The following DOCK9 variants were observed in gnomAD, a reference collection of about 807,000 sequenced individuals.
DOCK9 encodes the protein dedicator of cytokinesis 9, also known as dedicator of cytokinesis protein 9.
Under a neutral mutation model 263.3 loss-of-function variants are expected in DOCK9, and 89 were observed. The ratio of observed to expected loss-of-function variants is 0.34; its 90% CI spans 0.28 to 0.40. DOCK9 has a LOEUF of 0.40. DOCK9 is among the 10% of genes least tolerant of loss of function. DOCK9 has a pLI of 1.00. For synonymous variants in DOCK9, 976 were observed against 973.1 expected, an observed-to-expected ratio of 1.00 and a Z score of -0.06; for missense variants, 2,140 against 2,603.4, an observed-to-expected ratio of 0.82 and a Z score of 3.87.
At chr13:98,932,435 A>C (rs1176890138) in intron 2 of DOCK9, among the ~76,000 whole-genome samples, 5 of 145,746 alleles carry the variant, frequency 3.4e-5, no homozygotes, top group Admixed American at 6.8e-5. Context: ...AACAAACAAA[A>C]AAACAGATCA....
At chr13:98,846,576 A>G in intron 37 of DOCK9, 1 of 1,351,740 alleles carries the variant, frequency 7.4e-7, no homozygotes. Flanking sequence ...AGTCAAGTAG[A>G]GAAAACAGAA....
At chr13:98,953,504 A>C (rs1416751100) in intron 2 of DOCK9, among the ~76,000 whole-genome samples, 1 of 152,244 alleles carries the variant, frequency 6.6e-6, no homozygotes, top group Admixed American at 6.5e-5. Context: ...TTTGTTTCTT[A>C]AGCAATTTTA....
At chr13:98,924,647 C>T (rs2140149878) in intron 4 of DOCK9, among the ~76,000 whole-genome samples, 1 of 152,258 alleles carries the variant, frequency 6.6e-6, no homozygotes, top group Admixed American at 6.5e-5. Context: ...AATTCTTGTT[C>T]CTGGCAAGAT....
At chr13:98,897,069 T>A (rs2047553200) in intron 15 of DOCK9, among the ~76,000 whole-genome samples, 1 of 152,172 alleles carries the variant, frequency 6.6e-6, no homozygotes, top group Admixed American at 6.5e-5. Flanking sequence ...GTTAGAAACC[T>A]TGCAAGTTAT....
intron 1 of DOCK9, among the ~76,000 whole-genome samples, chr13:99,038,288 C>CTTTTTTTTTTTT (rs71419743): frequency 2.3e-5 from 2 of 86,262 alleles, no homozygotes; most frequent in African/African-American, 4.6e-5. Flanking sequence ...TTATGCCCCC[C>CTTTTTTTTTTTT]TTTTTTTTTT....
At chr13:99,050,122 A>C (rs1001054922) in intron 1 of DOCK9, among the ~76,000 whole-genome samples, 1 of 152,238 alleles carries the variant, frequency 6.6e-6, no homozygotes, top group African/African-American at 2.4e-5. Context: ...TCCTGTCTAA[A>C]ATTTCAAGCC....
chr13:98,807,616 T>A, intron 48 of DOCK9, 45 bp downstream of exon 48: 1 of 1,468,188 alleles, frequency 6.8e-7, no homozygotes, highest in Non-Finnish European at 9.2e-7. Flanking sequence ...ATGTAATCAA[T>A]CACAACATTA....
intron 2 of DOCK9, among the ~76,000 whole-genome samples, chr13:98,933,863 C>T (rs2140355064): frequency 7.6e-6 from 1 of 131,590 alleles, no homozygotes; most frequent in Middle Eastern, 3.7e-3. Flanking sequence ...TAAACCTAGC[C>T]TCTGTTGTTG....
At chr13:98,999,282 ATG>A (rs1204997736) in intron 1 of DOCK9, among the ~76,000 whole-genome samples, 4 of 121,412 alleles carry the variant, frequency 3.3e-5, no homozygotes, top group African/African-American at 1.3e-4. Context: ...GTGTGCACGC[ATG>A]CACGCGCACA....
At chr13:98,804,921 T>C (rs1469305877) in intron 49 of DOCK9, 78 bp downstream of exon 49, 2 of 1,477,500 alleles carry the variant, frequency 1.4e-6, no homozygotes, top group Non-Finnish European at 1.8e-6. Context: ...CTTCCAGTCC[T>C]GAAGCTTCTG....
chr13:98,819,619 A>G (rs2092137631), intron 45 of DOCK9, among the ~76,000 whole-genome samples: 2 of 152,194 alleles, frequency 1.3e-5, no homozygotes, highest in African/African-American at 4.8e-5. Context: ...CCCAAACTCC[A>G]CTGGCCAAGT....
chr13:99,021,501 T>C (rs931602161), intron 1 of DOCK9, among the ~76,000 whole-genome samples: 6 of 151,390 alleles, frequency 4.0e-5, no homozygotes, highest in Non-Finnish European at 7.4e-5. Context: ...TAGCCGGGCG[T>C]GGTGGCGGGC....
chr13:98,868,287 G>A lies in DOCK9; in HGVS notation c.3034C>T (p.Arg1012Ter), dbSNP rs1393767221. Residue 1012 changes from arginine (R) to a stop codon, truncating the protein, a stop_gained, in exon 28 of 53, where the codon CGA (arginine) becomes TGA (stop). Coordinates refer to ENST00000682017, the MANE Select transcript of DOCK9 (RefSeq NM_001366683.2). LOFTEE classifies it high-confidence loss of function. Reference protein sequence around the residue: ...MLMPHITQKFRDNPEASKNAN... With the variant: ...MLMPHITQKF The stretch of plus-strand genomic sequence containing the variant: ...TTCTTAGATGCCTCTGGATTATCTC[G>A]AAACTTCTGAGTGATGTGTGGCATC... The A allele has an allele frequency of 1.9e-6, 3 of 1,613,824 alleles. No homozygotes were observed. The highest frequency in any genetic ancestry group is 2.2e-5 in the East Asian group (1 of 44,892).
intron 2 of DOCK9, among the ~76,000 whole-genome samples, chr13:98,931,174 C>T (rs912682): frequency 0.78 from 119,174 of 152,000 alleles, 47,153 homozygotes; most frequent in Middle Eastern, 0.91. Flanking sequence ...ATTAGAACTG[C>T]TCGTGTTCAT....
chr13:98,989,855 CT>C (rs774689737), intron 1 of DOCK9, among the ~76,000 whole-genome samples: 1 of 152,232 alleles, frequency 6.6e-6, no homozygotes, highest in East Asian at 1.9e-4. Flanking sequence ...ACCATTCCCC[CT>C]CTTCCCCCAC....
chr13:98,931,500 G>A (rs934989260), intron 2 of DOCK9, among the ~76,000 whole-genome samples: 17 of 151,840 alleles, frequency 1.1e-4, no homozygotes, highest in Non-Finnish European at 1.9e-4. Flanking sequence ...GGGTTTCACC[G>A]TGTTAGCCAG....
At chr13:99,048,960 A>G (rs533725189) in intron 1 of DOCK9, among the ~76,000 whole-genome samples, 2 of 152,340 alleles carry the variant, frequency 1.3e-5, no homozygotes, top group South Asian at 2.1e-4. Flanking sequence ...AATAATAAAC[A>G]GCTGAATAAG....
At chr13:98,816,926 T>C (rs774534750) in intron 45 of DOCK9, among the ~76,000 whole-genome samples, 7 of 152,096 alleles carry the variant, frequency 4.6e-5, no homozygotes, top group Non-Finnish European at 8.8e-5. Flanking sequence ...TTCACTGAAC[T>C]GGCACACTCG....
chr13:98,841,616 A>ATTTTTT (rs763770697), intron 38 of DOCK9, among the ~76,000 whole-genome samples: 2 of 137,364 alleles, frequency 1.5e-5, no homozygotes, highest in African/African-American at 5.3e-5. Flanking sequence ...TATGAACAAA[A>ATTTTTT]TTTTTTTTTT....
Sources: gnomAD v4.1 joint callset for allele counts (sites outside exome capture counted in the v4.1 genomes callset) on GRCh38, gnomAD v4.1.1 for gene constraint, MANE v1.5 for transcripts, NCBI Gene and HGNC (gene_info 2026-07-23, HGNC 2026-07-21) for gene names.